KIF14: variants seen among roughly 807,000 people sequenced by gnomAD.
KIF14 encodes the protein kinesin family member 14.
Under a neutral mutation model 176.2 loss-of-function variants are expected in KIF14, and 98 were observed. The ratio of observed to expected loss-of-function variants is 0.56; its 90% CI spans 0.47 to 0.66. The LOEUF is 0.66. Among genes scored for constraint, KIF14 ranks in the 30% least tolerant of loss-of-function variants. The pLI, the probability that KIF14 is intolerant of heterozygous loss-of-function variation, is 0.00. For missense variants in KIF14, 1,751 were observed against 1,920.4 expected, an observed-to-expected ratio of 0.91 and a Z score of 1.65; for synonymous variants, 566 against 632.2, an observed-to-expected ratio of 0.90 and a Z score of 1.57.
intron 7 of KIF14, 78 bp from the exon 8 acceptor site, chr1:200,605,468 A>G (rs1659833697): frequency 3.1e-6 from 3 of 962,334 alleles, no homozygotes; most frequent in Admixed American, 2.3e-5. Context: ...GACAACATAT[A>G]CACATTTGTA....
chr1:200,594,044 C>T (rs2102700617), intron 14 of KIF14, among the ~76,000 whole-genome samples: 1 of 149,512 alleles, frequency 6.7e-6, no homozygotes, highest in Admixed American at 6.8e-5. Flanking sequence ...AATTCTCCTG[C>T]CTCAGCTGCC....
chr1:200,616,575 C>T (rs1306351986), intron 2 of KIF14, among the ~76,000 whole-genome samples: 1 of 152,160 alleles, frequency 6.6e-6, no homozygotes, highest in Non-Finnish European at 1.5e-5. Flanking sequence ...ACTACTGACC[C>T]CTTAGGTTCA....
Position 200,554,564 on chromosome 1 carries a change from G to T in KIF14, c.4471C>A (p.Gln1491Lys). The change falls in exon 29 of 30, where the codon CAA (glutamine) becomes AAA (lysine). Residue 1491 changes from glutamine to lysine, a missense_variant. Transcript: ENST00000367350. Reference sequence around the variant, plus strand: ...CGATTAACCATCCTCTTGAAATCTTGGTATTCAAAGTTTTCTTCTTGTACT... The same window carrying T: ...CGATTAACCATCCTCTTGAAATCTTTGTATTCAAAGTTTTCTTCTTGTACT... Reference protein sequence around the residue: ...RQVQEENFEYQDFKRMVNRAP... With the variant: ...RQVQEENFEYKDFKRMVNRAP... The T allele has an allele frequency of 6.5e-7, 1 of 1,549,320 alleles. No homozygotes were observed. The highest frequency in any genetic ancestry group is 8.9e-7 in the Non-Finnish European group (1 of 1,126,376).
At position 200,552,161 on chromosome 1, in the gene KIF14, T is replaced by C. The variant is rs1181037243; in HGVS notation, c.*1227A>G. ...GGTTATTTAAATGAATTCTTCTTTT[T>C]TTTTCTTCTTTTTTTTTAAATGAAT... is the stretch of plus-strand genomic sequence containing the variant. On this transcript the variant is annotated 3_prime_UTR_variant, in exon 30 of 30. Coordinates refer to ENST00000367350, the MANE Select transcript of KIF14 (RefSeq NM_014875.3). The C allele has an allele frequency of 1.5e-5, 2 of 134,900 alleles. No individual in the cohort carries two copies. Among genetic ancestry groups the C allele is most frequent in the African/African-American group, 4.9e-5 (2 of 40,600 alleles). The allele number at this position is 134,900 out of a possible 1,614,324, so 8.4% of individuals were successfully genotyped here. A position where few individuals can be genotyped will look rare whatever the true frequency, so the allele number is the denominator to read the frequency against.
chr1:200,554,655 G>T, intron 28 of KIF14, 49 bp from the exon 29 acceptor site: 1 of 927,026 alleles, frequency 1.1e-6, no homozygotes, highest in South Asian at 1.7e-5. Context: ...CAGGCTCAAT[G>T]GCAGTAAGGC....
At chr1:200,560,698 T>C in intron 26 of KIF14, 24 bp downstream of exon 26, 1 of 1,612,784 alleles carries the variant, frequency 6.2e-7, no homozygotes, top group Non-Finnish European at 8.5e-7. Flanking sequence ...ATGAAGTCTG[T>C]CTGAACTAAC....
chr1:200,586,790 C>CATACATATATATATATATAT (rs1658768172), intron 18 of KIF14, among the ~76,000 whole-genome samples: 1 of 128,326 alleles, frequency 7.8e-6, no homozygotes, highest in Non-Finnish European at 1.7e-5. Flanking sequence ...TATATACATA[C>CATACATATATATATATATAT]ATATATATAT....
chr1:200,576,796 T>C (rs1658139138), intron 21 of KIF14, among the ~76,000 whole-genome samples: 1 of 152,140 alleles, frequency 6.6e-6, no homozygotes, highest in Non-Finnish European at 1.5e-5. Flanking sequence ...ACCCTACTTC[T>C]TCATGGTGTA....
At chr1:200,615,856 C>T (rs1369289168) in intron 2 of KIF14, among the ~76,000 whole-genome samples, 1 of 152,058 alleles carries the variant, frequency 6.6e-6, no homozygotes, top group African/African-American at 2.4e-5. Context: ...CCTACTTTTA[C>T]AAGATTTTTT....
chr1:200,565,202 G>C lies in KIF14; in HGVS notation c.3938C>G (p.Ala1313Gly), dbSNP rs1657379168. ...IQSLTIQTAC[A>G]FEQLVVLMKH... ...CATTAGCACTACTAGCTGCTCAAAA[G>C]CACATGCAGTCTGAATAGTAAGTGA... The change falls in exon 25 of 30, where the codon GCT (alanine) becomes GGT (glycine). Residue 1313 changes from alanine to glycine, a missense_variant. By Grantham distance (60) the Ala-to-Gly change is moderately conservative. Coordinates refer to ENST00000367350, the MANE Select transcript of KIF14 (RefSeq NM_014875.3). 3 of 1,613,748 alleles carry C rather than the reference G, an allele frequency of 1.9e-6. No homozygotes were observed. Among genetic ancestry groups the C allele is most frequent in the South Asian group, 2.2e-5 (2 of 91,034 alleles).
intron 13 of KIF14, 70 bp downstream of exon 13, chr1:200,599,980 A>G: frequency 1.1e-6 from 1 of 881,446 alleles, no homozygotes; most frequent in African/African-American, 1.7e-5. Context: ...ATGCATTGGC[A>G]TATTGGCAAT....
intron 22 of KIF14, among the ~76,000 whole-genome samples, chr1:200,573,592 G>A (rs547861022): frequency 9.2e-5 from 14 of 151,962 alleles, no homozygotes; most frequent in Admixed American, 7.2e-4. Flanking sequence ...GCCCGCCACC[G>A]CGCCCGGCAA....
intron 28 of KIF14, 51 bp from the exon 29 acceptor site, chr1:200,554,657 CAGTA>C: frequency 1.1e-6 from 1 of 891,560 alleles, no homozygotes; most frequent in Non-Finnish European, 1.7e-6. Context: ...GGCTCAATGG[CAGTA>C]AGGCTCAGTC....
At chr1:200,579,574 A>C (rs1658331966) in intron 21 of KIF14, among the ~76,000 whole-genome samples, 1 of 151,966 alleles carries the variant, frequency 6.6e-6, no homozygotes, top group Non-Finnish European at 1.5e-5. Context: ...GCACCACTGC[A>C]CTCCAGCCTG....
At chr1:200,600,526 A>G in intron 11 of KIF14, 23 bp from the exon 12 acceptor site, 1 of 1,538,994 alleles carries the variant, frequency 6.5e-7, no homozygotes, top group Non-Finnish European at 9.0e-7. Flanking sequence ...ACAAAGATGC[A>G]TTAATAATAA....
chr1:200,579,467 G>C (rs4915445), intron 21 of KIF14, among the ~76,000 whole-genome samples: 18,923 of 152,054 alleles, frequency 0.12, 1,591 homozygotes, highest in East Asian at 0.39. Flanking sequence ...AAATTAGCTG[G>C]GGCTGGTGGC....
rs1659161286 is a variant in KIF14 at position 200,593,605 on chromosome 1, A to C, written c.2652+62T>G. On this transcript the variant is annotated intron_variant, in intron 15 of 29. Transcript: ENST00000367350. ...TCTTATAGAGAAAACCAGAACTCAA[A>C]GAAATTAAATGACTTATCCAAAGTC... 8 of 1,077,386 alleles carry C rather than the reference A, an allele frequency of 7.4e-6. No individual in the cohort carries two copies. The Admixed American group carries it at 1.5e-4, about 20-fold the overall frequency. 66.7% of individuals were successfully genotyped at this position (1,077,386 alleles called of 1,614,324 possible). A position where few individuals can be genotyped will look rare whatever the true frequency, so the allele number is the denominator to read the frequency against.
At chr1:200,589,469 T>C (rs184967533) in intron 17 of KIF14, 100 bp from the exon 18 acceptor site, 184 of 980,128 alleles carry the variant, frequency 1.9e-4, no homozygotes, top group Admixed American at 1.5e-3. Context: ...TACTCACTAA[T>C]AGAAAAGTTG....
At chr1:200,604,349 T>G (rs1474374417) in intron 8 of KIF14, among the ~76,000 whole-genome samples, 1 of 152,194 alleles carries the variant, frequency 6.6e-6, no homozygotes, top group Non-Finnish European at 1.5e-5. Context: ...ATTACAGGCG[T>G]GAGCCACTGC....
Sources: allele counts gnomAD v4.1 joint callset (sites outside exome capture counted in the v4.1 genomes callset), GRCh38; gene constraint gnomAD v4.1.1; transcripts MANE v1.5; gene names NCBI Gene and HGNC (gene_info 2026-07-23, HGNC 2026-07-21).